Variants in TOM1 observed in about 807,000 individuals in gnomAD.
The protein encoded by TOM1 is target of myb1 membrane trafficking protein, also known as target of Myb protein 1.
TOM1 carries 38 observed loss-of-function variants against 61.3 expected under a neutral mutation model. The ratio of observed to expected loss-of-function variants is 0.62; its 90% CI spans 0.48 to 0.81. The LOEUF (loss-of-function observed/expected upper bound fraction) is 0.81. Among genes scored for constraint, TOM1 ranks in the 40% least tolerant of loss-of-function variants. The pLI is 0.00. For synonymous variants in TOM1, 270 were observed against 268.8 expected, an observed-to-expected ratio of 1.00 and a Z score of -0.04; for missense variants, 591 against 659.6, an observed-to-expected ratio of 0.90 and a Z score of 1.14.
At position 35,300,105 on chromosome 22, in the gene TOM1, C is replaced by T. The variant is rs1461849498; in HGVS notation, c.52+125C>T. 1.4e-5 allele frequency: 15 copies of T among 1,057,386 alleles called. No homozygotes were observed. The African/African-American group carries it at 2.4e-4, about 17-fold the overall frequency. 65.5% of individuals were successfully genotyped at this position (1,057,386 alleles called of 1,614,324 possible). On this transcript the variant is annotated intron_variant, in intron 1 of 14. Transcript: ENST00000449058. ...GCAAGGAGGCTGGCGTGTAGCTCTC[C>T]GACCTGGCTCCGCCCAGCTTTCCTC... is the stretch of plus-strand genomic sequence containing the variant.
At position 35,310,551 on chromosome 22, in the gene TOM1, C is replaced by CA. The variant is rs369506084; in HGVS notation, c.53-7316dup. 2.6e-4 allele frequency among the ~76,000 whole-genome samples: 39 copies of CA among 147,812 alleles called. 1 individual carries two copies. The highest frequency in any genetic ancestry group is 1.3e-3 in the South Asian group (6 of 4,664). The stretch of plus-strand genomic sequence containing the variant: ...CCTGGGCAACAGTGAGACTCTGTCT[C>CA]AAAAAAAAAATGTATTCAGAGGATT... On this transcript the variant is annotated intron_variant, in intron 1 of 14. Coordinates refer to ENST00000449058, the MANE Select transcript of TOM1 (RefSeq NM_005488.3).
At chr22:35,328,388 C>T (rs535930262) in intron 7 of TOM1, among the ~76,000 whole-genome samples, 9 of 152,340 alleles carry the variant, frequency 5.9e-5, no homozygotes, top group South Asian at 4.1e-4. Context: ...GGGCACTTCC[C>T]GTGTCCCGGG....
intron 12 of TOM1, chr22:35,344,583 T>TG (rs975442382): frequency 6.6e-6 from 1 of 152,258 alleles, no homozygotes; most frequent in African/African-American, 2.4e-5. Context: ...GCTGGGCACT[T>TG]GCTGTTGCCA....
intron 12 of TOM1, chr22:35,344,370 C>G (rs1930322398): frequency 6.6e-6 from 1 of 152,328 alleles, no homozygotes; most frequent in Non-Finnish European, 1.5e-5. Context: ...CAGGAGAAGG[C>G]CCAGAGGAGC....
chr22:35,337,615 C>T (rs1929484974), intron 11 of TOM1, among the ~76,000 whole-genome samples: 1 of 152,244 alleles, frequency 6.6e-6, no homozygotes, highest in African/African-American at 2.4e-5. Context: ...CAAGAAGCCC[C>T]TTTCAGTGCC....
Position 35,323,304 on chromosome 22 carries a change from T to TA in TOM1, c.366+127_366+128insA. On this transcript the variant is annotated intron_variant, in intron 4 of 14. Transcript: ENST00000449058. This position sits in a 1 kb window ranked among gnomAD's most constrained non-coding sequence, Gnocchi z 4.2. ...GCTTCTCATTTCGGGGCGTCTCGGT[T>TA]GTCGGCTGGTGGGATGTTCTGTGGG... 1 of 1,435,220 alleles carries TA rather than the reference T, an allele frequency of 7.0e-7. No individual in the cohort carries two copies. The highest frequency in any genetic ancestry group is 9.5e-7 in the Non-Finnish European group (1 of 1,055,662). The allele number at this position is 1,435,220 out of a possible 1,614,324, so 88.9% of individuals were successfully genotyped here.
chr22:35,345,420 C>A lies in TOM1; in HGVS notation c.1225-305C>A, dbSNP rs1930422735. On this transcript the variant is annotated intron_variant, in intron 12 of 14. Coordinates refer to ENST00000449058, the MANE Select transcript of TOM1 (RefSeq NM_005488.3). Reference sequence around the variant, plus strand: ...CAGGCCATTGCCCAAAGCCCCTCCTCCAGCCTAGAATCCTACCCGAAGGGT... The same window carrying A: ...CAGGCCATTGCCCAAAGCCCCTCCTACAGCCTAGAATCCTACCCGAAGGGT... 8.4e-6 allele frequency: 4 copies of A among 477,046 alleles called. No homozygotes were observed. The Admixed American group carries it at 1.3e-4, about 16-fold the overall frequency. The allele number at this position is 477,046 out of a possible 1,614,324, so 29.6% of individuals were successfully genotyped here.
At chr22:35,304,573 G>T (rs896929404) in intron 1 of TOM1, among the ~76,000 whole-genome samples, 2 of 152,114 alleles carry the variant, frequency 1.3e-5, no homozygotes, top group African/African-American at 2.4e-5. Context: ...CCACCTCCCG[G>T]GTTCACGCCA....
At chr22:35,300,058 C>A in intron 1 of TOM1, 78 bp downstream of exon 1, 1 of 1,502,082 alleles carries the variant, frequency 6.7e-7, no homozygotes. Flanking sequence ...CCTCCGGGTG[C>A]CTAGTCACGG....
intron 1 of TOM1, among the ~76,000 whole-genome samples, chr22:35,312,260 G>C (rs201187142): frequency 7.0e-6 from 1 of 143,592 alleles, no homozygotes; most frequent in African/African-American, 2.7e-5. Flanking sequence ...AAAAAAAAAA[G>C]ACAAGGGGAG....
chr22:35,325,699 TCTAA>T (rs1243612479), intron 6 of TOM1, among the ~76,000 whole-genome samples: 1 of 152,240 alleles, frequency 6.6e-6, no homozygotes, highest in Non-Finnish European at 1.5e-5. Flanking sequence ...CTTGTGATTG[TCTAA>T]CTCAGTTATG....
intron 12 of TOM1, 176 bp from the exon 13 acceptor site, chr22:35,345,549 C>G: frequency 3.1e-6 from 2 of 648,176 alleles, no homozygotes; most frequent in Non-Finnish European, 5.6e-6. Flanking sequence ...TCTCCTGGCT[C>G]TGCACCTCCA....
intron 11 of TOM1, 59 bp from the exon 12 acceptor site, chr22:35,338,654 G>A (rs1929593847): frequency 6.3e-6 from 9 of 1,432,068 alleles, no homozygotes; most frequent in South Asian, 2.8e-5. Flanking sequence ...AGCCCGCTCC[G>A]TTCTTGCATC....
At chr22:35,346,333 C>T (rs921676167) in intron 13 of TOM1, among the ~76,000 whole-genome samples, 4 of 152,272 alleles carry the variant, frequency 2.6e-5, no homozygotes, top group East Asian at 3.8e-4. Context: ...TCTGCCACCC[C>T]GTCTCTGGGC....
chr22:35,300,894 T>C (rs556895619), intron 1 of TOM1, among the ~76,000 whole-genome samples: 1 of 105,050 alleles, frequency 9.5e-6, no homozygotes, highest in African/African-American at 2.6e-5. Flanking sequence ...GCCAGTGCCA[T>C]ATAAAAAAAA....
intron 1 of TOM1, among the ~76,000 whole-genome samples, chr22:35,304,217 CTTT>C (rs1926107888): frequency 6.6e-6 from 1 of 152,186 alleles, no homozygotes; most frequent in Non-Finnish European, 1.5e-5. Context: ...CCCAGTGCTT[CTTT>C]TGAATTGATG....
rs556897300 is a variant in TOM1 at position 35,318,559 on chromosome 22, G to A, written c.137+598G>A. Among the ~76,000 whole-genome samples, 15 of 152,324 alleles carry A rather than the reference G, an allele frequency of 9.8e-5. No homozygotes were observed. In the South Asian group the frequency reaches 3.1e-3, roughly 32 times the overall value. Reference sequence around the variant, plus strand: ...GCACATGGTGTGGGGGAAGGATTGGGGTCTTGGCCTCCAATGTCTGACTCG... The same window carrying A: ...GCACATGGTGTGGGGGAAGGATTGGAGTCTTGGCCTCCAATGTCTGACTCG... On this transcript the variant is annotated intron_variant, in intron 2 of 14. Transcript: ENST00000449058.
rs1928017466 is a variant in TOM1 at position 35,323,427 on chromosome 22, C to A, written c.367-69C>A. ...CAGGGAAAGAATGTCTGTTCTCTGT[C>A]TGAGTGCCAGGTGGGCAGGCTCACA... is the stretch of plus-strand genomic sequence containing the variant. On this transcript the variant is annotated intron_variant, in intron 4 of 14. Coordinates refer to ENST00000449058, the MANE Select transcript of TOM1 (RefSeq NM_005488.3). This position sits in a 1 kb window ranked among gnomAD's most constrained non-coding sequence, Gnocchi z 4.2. The A allele has an allele frequency of 6.4e-7, 1 of 1,558,688 alleles. No homozygotes were observed. Among genetic ancestry groups the A allele is most frequent in the Non-Finnish European group, 8.7e-7 (1 of 1,146,668 alleles).
intron 7 of TOM1, among the ~76,000 whole-genome samples, chr22:35,327,768 C>T (rs1009454688): frequency 6.6e-6 from 1 of 152,170 alleles, no homozygotes; most frequent in African/African-American, 2.4e-5. Context: ...AGATTTACAC[C>T]ATTCAGAATC....
Sources: allele counts gnomAD v4.1 joint callset (sites outside exome capture counted in the v4.1 genomes callset), GRCh38; gene constraint gnomAD v4.1.1; non-coding constraint Gnocchi (gnomAD v3.1); transcripts MANE v1.5; gene names NCBI Gene and HGNC (gene_info 2026-07-23, HGNC 2026-07-21).